B2M: variants seen among roughly 807,000 people sequenced by gnomAD.
The protein encoded by B2M is beta-2-microglobulin, also known as beta chain of MHC class I molecules.
Under a neutral mutation model 14.5 loss-of-function variants are expected in B2M, and 3 were observed. The observed-to-expected ratio is 0.21, with a 90% confidence interval of 0.09 to 0.53. The LOEUF (loss-of-function observed/expected upper bound fraction) is 0.53. Among genes scored for constraint, B2M ranks in the 20% least tolerant of loss-of-function variants. The probability of loss-of-function intolerance (pLI) is 0.95; values close to 1 mark genes in which losing one functional copy is unlikely to be tolerated. For missense variants in B2M, 107 were observed against 140.8 expected (o/e 0.76, Z 1.21); for synonymous variants, 45 against 52.7 (o/e 0.85, Z 0.64).
intron 1 of B2M, chr15:44,711,900 A>T: frequency 1.7e-6 from 1 of 576,588 alleles, no homozygotes; most frequent in Middle Eastern, 4.6e-4. Flanking sequence ...GGGCGTCGAT[A>T]AGCGTCAGAG....
intron 2 of B2M, chr15:44,715,950 C>T (rs1269551189): frequency 9.6e-6 from 6 of 624,112 alleles, no homozygotes; most frequent in African/African-American, 3.7e-5. Flanking sequence ...GAGCAGGGAG[C>T]AGCAGCAGCA....
chr15:44,716,379 ATGTTTT>A, intron 3 of B2M, 23 bp downstream of exon 3: 1 of 1,596,994 alleles, frequency 6.3e-7, no homozygotes, highest in Admixed American at 1.7e-5. Flanking sequence ...CCTTGAGAAA[ATGTTTT>A]TGTTTCACTG....
Position 44,711,789 on chromosome 15 carries a change from G to A in B2M, c.67+176G>A. On this transcript the variant is annotated intron_variant, in intron 1 of 3. Transcript: ENST00000648006. ...AAGCGGCGGGGTGGCCTGGGAGTGGGGAAGGGGGTGCGCACCCGGGACGCG... is the reference window on the plus strand; with the variant it reads ...AAGCGGCGGGGTGGCCTGGGAGTGGAGAAGGGGGTGCGCACCCGGGACGCG... 7.2e-6 allele frequency: 6 copies of A among 834,312 alleles called. No individual in the cohort carries two copies. The East Asian group carries it at 1.3e-4, about 18-fold the overall frequency. The allele number at this position is 834,312 out of a possible 1,614,324, so 51.7% of individuals were successfully genotyped here. A position where few individuals can be genotyped will look rare whatever the true frequency, so the allele number is the denominator to read the frequency against.
chr15:44,712,603 T>A (rs986316449), intron 1 of B2M, among the ~76,000 whole-genome samples: 1 of 152,262 alleles, frequency 6.6e-6, no homozygotes, highest in African/African-American at 2.4e-5. Context: ...CAGAGCAAAC[T>A]GGGCGGCATG....
intron 2 of B2M, chr15:44,716,121 C>T (rs2086938487): frequency 3.1e-6 from 2 of 635,722 alleles, no homozygotes; most frequent in South Asian, 1.9e-5. Context: ...TCCTGGACTT[C>T]TCCAGTACTT....
rs2086941192 is a variant in B2M, at chr15:44,716,325, A to G, written c.347-4A>G. ...CTTTTTTTTCTCCACTGTCTTTTTC[A>G]TAGATCGAGACATGTAAGCAGCATC... On this transcript the variant is annotated splice_polypyrimidine_tract_variant and splice_region_variant and intron_variant, in intron 2 of 3. Coordinates refer to ENST00000648006, the MANE Select transcript of B2M (RefSeq NM_004048.4). 1.3e-5 allele frequency: 21 copies of G among 1,612,198 alleles called. No homozygotes were observed. The highest frequency in any genetic ancestry group is 1.6e-5 in the Non-Finnish European group (19 of 1,178,258).
rs979078327 is a variant in B2M at position 44,718,079 on chromosome 15, G to T, written c.*487G>T. ...ATTTACTTCTTATACATTTGATAAA[G>T]TAAGGCATGGTTGTGGTTAATCTGG... On this transcript the variant is annotated 3_prime_UTR_variant, in exon 4 of 4. Transcript: ENST00000648006. 1 of 152,204 alleles carries T rather than the reference G, an allele frequency of 6.6e-6. No homozygotes were observed. The highest frequency in any genetic ancestry group is 2.4e-5 in the African/African-American group (1 of 41,450). 9.4% of individuals were successfully genotyped at this position (152,204 alleles called of 1,614,324 possible).
chr15:44,715,014 T>G lies in B2M; in HGVS notation c.68-409T>G, dbSNP rs967775999. 46 of 280,826 alleles carry G rather than the reference T, an allele frequency of 1.6e-4. No individual in the cohort carries two copies. The Admixed American group carries it at 2.3e-3, about 14-fold the overall frequency. The allele number at this position is 280,826 out of a possible 1,614,324, so 17.4% of individuals were successfully genotyped here. A position where few individuals can be genotyped will look rare whatever the true frequency, so the allele number is the denominator to read the frequency against. ...GGCTATTATGAACTGAGAAATGAAC[T>G]TTGAAAAGTATCTTGGGGCCAAATC... On this transcript the variant is annotated intron_variant, in intron 1 of 3. Transcript: ENST00000648006.
intron 1 of B2M, 168 bp from the exon 2 acceptor site, chr15:44,715,255 A>T: frequency 1.4e-6 from 1 of 737,448 alleles, no homozygotes; most frequent in Non-Finnish European, 2.4e-6. Context: ...TTCAAAATGG[A>T]GGTGGCTTGT....
intron 2 of B2M, 167 bp from the exon 3 acceptor site, chr15:44,716,162 G>A: frequency 1.3e-6 from 1 of 746,778 alleles, no homozygotes. Context: ...AGGCTAGTAG[G>A]AAGGGCTTGT....
chr15:44,715,958 G>T, intron 2 of B2M: 1 of 620,144 alleles, frequency 1.6e-6, no homozygotes, highest in Admixed American at 2.8e-5. Flanking sequence ...AGCAGCAGCA[G>T]CACTTGCACA....
chr15:44,712,298 A>G (rs1459739201), intron 1 of B2M, among the ~76,000 whole-genome samples: 1 of 152,196 alleles, frequency 6.6e-6, no homozygotes, highest in Non-Finnish European at 1.5e-5. Flanking sequence ...AAATTATAAG[A>G]ACTACCCGTT....
Position 44,712,219 on chromosome 15 carries a change from T to C in B2M, c.67+606T>C, listed in dbSNP as rs1006078429. 3.3e-5 allele frequency among the ~76,000 whole-genome samples: 5 copies of C among 152,244 alleles called. 1 individual carries two copies. Among genetic ancestry groups the C allele is most frequent in the African/African-American group, 1.2e-4 (5 of 41,472 alleles). ...GAAACAGCACGCGACGTTTGTAGAA[T>C]GCTTGGCTGTGATACAAAGCGGTTT... On this transcript the variant is annotated intron_variant, in intron 1 of 3. Transcript: ENST00000648006.
chr15:44,712,655 C>T (rs1190990183), intron 1 of B2M: 1 of 152,276 alleles, frequency 6.6e-6, no homozygotes. Context: ...CTCTTTGGCT[C>T]TTTGCCTGGT....
At chr15:44,711,941 C>T (rs755100516) in intron 1 of B2M, 24 of 498,986 alleles carry the variant, frequency 4.8e-5, no homozygotes, top group African/African-American at 7.8e-5. Flanking sequence ...TTCTCTTCCG[C>T]TCTTTCGCGG....
rs2086961972 is a variant in B2M at position 44,717,925 on chromosome 15, A to T, written c.*333A>T. 2 of 152,200 alleles carry T rather than the reference A, an allele frequency of 1.3e-5. 1 individual carries two copies. The highest frequency in any genetic ancestry group is 4.8e-5 in the African/African-American group (2 of 41,442). 9.4% of individuals were successfully genotyped at this position (152,200 alleles called of 1,614,324 possible). The stretch of plus-strand genomic sequence containing the variant: ...GCACTCAAAGCTTGTTAAGATAGTT[A>T]AGCGTGCATAAGTTAACTTCCAATT... On this transcript the variant is annotated 3_prime_UTR_variant, in exon 4 of 4. Transcript: ENST00000648006.
chr15:44,714,042 T>C (rs1449314270), intron 1 of B2M: 1 of 152,220 alleles, frequency 6.6e-6, no homozygotes, highest in Non-Finnish European at 1.5e-5. Context: ...CTTCTCTTCA[T>C]TTTCAATGAA....
In B2M at chr15:44,715,113, C is replaced by T. The variant is rs1595999245; in HGVS notation, c.68-310C>T. 5 of 444,616 alleles carry T rather than the reference C, an allele frequency of 1.1e-5. No homozygotes were observed. The East Asian group carries it at 2.3e-4, about 21-fold the overall frequency. The allele number at this position is 444,616 out of a possible 1,614,324, so 27.5% of individuals were successfully genotyped here. ...GGCATCAGAAGTCCTTGAGAGCCTC[C>T]AGAGAAAGGCTCTTAAAAATGCAGC... is the stretch of plus-strand genomic sequence containing the variant. On this transcript the variant is annotated intron_variant, in intron 1 of 3. Transcript: ENST00000648006.
At chr15:44,713,740 A>G (rs1341817084) in intron 1 of B2M, 1 of 152,210 alleles carries the variant, frequency 6.6e-6, no homozygotes, top group African/African-American at 2.4e-5. Flanking sequence ...TATTATTAGA[A>G]GCTCAGATGC....
Sources: gnomAD v4.1 joint callset for allele counts (sites outside exome capture counted in the v4.1 genomes callset) on GRCh38, gnomAD v4.1.1 for gene constraint, MANE v1.5 for transcripts, NCBI Gene and HGNC (gene_info 2026-07-23, HGNC 2026-07-21) for gene names.